Variants in CEP89 observed in about 807,000 individuals in gnomAD.
The protein encoded by CEP89 is centrosomal protein 89, also known as centrosomal protein of 89 kDa.
A neutral mutation model predicts 97.6 loss-of-function variants in CEP89; 95 were observed. The observed-to-expected ratio is 0.97, with a 90% CI of 0.82 to 1.15. The LOEUF is 1.15. CEP89 is among the 50% of genes most tolerant of loss of function. The probability of loss-of-function intolerance (pLI) is 0.00; values close to 1 mark genes in which losing one functional copy is unlikely to be tolerated. For synonymous variants in CEP89, 354 were observed against 349.1 expected, an observed-to-expected ratio of 1.01 and a Z score of -0.16; for missense variants, 869 against 947.7, an observed-to-expected ratio of 0.92 and a Z score of 1.09.
intron 16 of CEP89, among the ~76,000 whole-genome samples, chr19:32,889,233 A>G (rs1056232313): frequency 6.6e-6 from 1 of 152,184 alleles, no homozygotes; most frequent in African/African-American, 2.4e-5. Context: ...AGGGGCCTGC[A>G]AGGCTGTAGG....
intron 4 of CEP89, among the ~76,000 whole-genome samples, chr19:32,951,566 C>CAA (rs1555794438): frequency 7.3e-5 from 11 of 150,486 alleles, no homozygotes; most frequent in Non-Finnish European, 1.6e-4. Flanking sequence ...CACACACACA[C>CAA]GCACACTACT....
intron 7 of CEP89, among the ~76,000 whole-genome samples, chr19:32,933,916 T>C (rs1314590693): frequency 6.6e-6 from 1 of 152,102 alleles, no homozygotes; most frequent in Admixed American, 6.6e-5. Flanking sequence ...CCTATTGTGA[T>C]GTGGCATGGA....
intron 8 of CEP89, among the ~76,000 whole-genome samples, chr19:32,932,856 G>A (rs1970503860): frequency 6.6e-6 from 1 of 152,062 alleles, no homozygotes; most frequent in African/African-American, 2.4e-5. Context: ...AGGCTGAGGT[G>A]GAAGGATCAC....
rs1450909982 is a variant in CEP89, at chr19:32,888,054, G to C, written c.1876-213C>G. On this transcript the variant is annotated intron_variant, in intron 16 of 18. Transcript: ENST00000305768. Reference sequence around the variant, plus strand: ...ACAGGGCATGTGGGGTGCCCTGCTCGACACAAAGAGAAGAATTCCAGCCCC... The same window carrying C: ...ACAGGGCATGTGGGGTGCCCTGCTCCACACAAAGAGAAGAATTCCAGCCCC... Among the ~76,000 whole-genome samples, 6 of 152,316 alleles carry C rather than the reference G, an allele frequency of 3.9e-5. No homozygotes were observed. The East Asian group carries it at 7.7e-4, about 20-fold the overall frequency.
intron 16 of CEP89, among the ~76,000 whole-genome samples, chr19:32,889,810 T>C (rs1001937777): frequency 6.6e-6 from 1 of 151,842 alleles, no homozygotes; most frequent in African/African-American, 2.4e-5. Flanking sequence ...GATGAAAGGG[T>C]TTGTTCGGCC....
intron 16 of CEP89, among the ~76,000 whole-genome samples, chr19:32,888,449 T>A (rs1969445136): frequency 6.6e-6 from 1 of 152,114 alleles, no homozygotes; most frequent in Non-Finnish European, 1.5e-5. Flanking sequence ...ACAAGTTTGA[T>A]TTTCCAGAAG....
In CEP89 at chr19:32,901,418, G is replaced by A. The variant is rs778061725; in HGVS notation, c.1566-6C>T. On this transcript the variant is annotated splice_polypyrimidine_tract_variant and splice_region_variant and intron_variant, in intron 14 of 18. Transcript: ENST00000305768. ...CTTCTTCCTTCTGTAATTGGCTGAA[G>A]GACAAAAACATTACATGCTCGTATC... 9.3e-6 allele frequency: 15 copies of A among 1,609,430 alleles called. No homozygotes were observed. The East Asian group carries it at 2.5e-4, about 26-fold the overall frequency.
chr19:32,929,979 TAGGG>T (rs1435560934), intron 9 of CEP89, among the ~76,000 whole-genome samples: 3 of 151,502 alleles, frequency 2.0e-5, no homozygotes, highest in Non-Finnish European at 4.4e-5. Context: ...CAGGGGAACA[TAGGG>T]AGTGATTCCC....
At chr19:32,930,722 T>C (rs906754686) in intron 9 of CEP89, among the ~76,000 whole-genome samples, 2 of 152,188 alleles carry the variant, frequency 1.3e-5, no homozygotes, top group Non-Finnish European at 2.9e-5. Context: ...TCTCATGCAG[T>C]GACCTGCTCA....
intron 14 of CEP89, among the ~76,000 whole-genome samples, chr19:32,907,707 C>T (rs1370972848): frequency 1.3e-5 from 2 of 152,198 alleles, no homozygotes; most frequent in African/African-American, 4.8e-5. Context: ...CCACCTCAGC[C>T]TCCCAAAGTG....
At chr19:32,958,948 C>T (rs1056536055) in intron 3 of CEP89, among the ~76,000 whole-genome samples, 24 of 151,592 alleles carry the variant, frequency 1.6e-4, no homozygotes, top group Non-Finnish European at 3.1e-4. Flanking sequence ...ACCCAGGAGG[C>T]GGTGGTTGCA....
At chr19:32,919,185 G>A (rs923206595) in intron 12 of CEP89, among the ~76,000 whole-genome samples, 1 of 151,904 alleles carries the variant, frequency 6.6e-6, no homozygotes, top group African/African-American at 2.4e-5. Context: ...GCGTCCAGCC[G>A]AAATGGTTTC....
intron 17 of CEP89, among the ~76,000 whole-genome samples, chr19:32,885,441 C>T (rs556699953): frequency 6.6e-6 from 1 of 152,202 alleles, no homozygotes; most frequent in Non-Finnish European, 1.5e-5. Flanking sequence ...CCACCTCAGC[C>T]TCCCGAGTAG....
At chr19:32,932,775 T>TA (rs1164547575) in intron 8 of CEP89, among the ~76,000 whole-genome samples, 4 of 139,980 alleles carry the variant, frequency 2.9e-5, no homozygotes, top group African/African-American at 8.1e-5. Flanking sequence ...CTCACTGCTA[T>TA]AAAAAAAATT....
At chr19:32,951,940 C>A (rs898508409) in intron 4 of CEP89, among the ~76,000 whole-genome samples, 7 of 152,066 alleles carry the variant, frequency 4.6e-5, no homozygotes, top group Admixed American at 4.6e-4. Context: ...TGTGTAACAT[C>A]GGTACAAAAT....
intron 3 of CEP89, among the ~76,000 whole-genome samples, chr19:32,956,851 T>C (rs1302244383): frequency 6.6e-6 from 1 of 152,220 alleles, no homozygotes; most frequent in African/African-American, 2.4e-5. Context: ...ATAGCAGTCA[T>C]ATCCCTGAAG....
chr19:32,892,210 T>TTTAGA (rs1969539818), intron 16 of CEP89, among the ~76,000 whole-genome samples: 1 of 20,620 alleles, frequency 4.8e-5, no homozygotes, highest in Non-Finnish European at 8.9e-5. Flanking sequence ...GACATATATA[T>TTTAGA]ATATATATAT....
At chr19:32,887,975 C>T (rs1969435027) in intron 16 of CEP89, 134 bp from the exon 17 acceptor site, 4 of 636,048 alleles carry the variant, frequency 6.3e-6, no homozygotes, top group African/African-American at 3.6e-5. Context: ...AACCCCTTCC[C>T]CACCCACTGT....
intron 4 of CEP89, among the ~76,000 whole-genome samples, chr19:32,949,920 T>G (rs1356846923): frequency 1.3e-5 from 2 of 152,064 alleles, no homozygotes; most frequent in Non-Finnish European, 2.9e-5. Flanking sequence ...CGTCCACCTG[T>G]CTCTGTGGAC....
Sources: gnomAD v4.1 joint callset for allele counts (sites outside exome capture counted in the v4.1 genomes callset) on GRCh38, gnomAD v4.1.1 for gene constraint, MANE v1.5 for transcripts, NCBI Gene and HGNC (gene_info 2026-07-23, HGNC 2026-07-21) for gene names.